The following RUNX1T1 variants were observed in gnomAD, a reference collection of about 807,000 sequenced individuals.
RUNX1T1 encodes the protein RUNX1 partner transcriptional co-repressor 1, also known as protein CBFA2T1.
RUNX1T1 carries 4 observed loss-of-function variants against 62.8 expected under a neutral mutation model. The ratio of observed to expected loss-of-function variants is 0.06; its 90% confidence interval spans 0.03 to 0.15. RUNX1T1 has a LOEUF of 0.15. Among genes scored for constraint, RUNX1T1 ranks in the 10% least tolerant of loss-of-function variants. The pLI is 1.00. For synonymous variants in RUNX1T1, 291 were observed against 286.0 expected, an observed-to-expected ratio of 1.02 and a Z score of -0.18; for missense variants, 508 against 754.3, an observed-to-expected ratio of 0.67 and a Z score of 3.82.
chr8:92,102,433 A>G (rs566148910), upstream of RUNX1T1, among the ~76,000 whole-genome samples: 611 of 151,992 alleles, frequency 4.0e-3, 7 homozygotes, highest in African/African-American at 0.014. This position sits in a 1 kb window ranked among gnomAD's most constrained non-coding sequence, Gnocchi z 4.5. Context: ...GAAAAAAAAA[A>G]AAAAGAAAGG....
chr8:92,011,532 G>T (rs1017011082), intron 3 of RUNX1T1, among the ~76,000 whole-genome samples: 2 of 152,196 alleles, frequency 1.3e-5, no homozygotes, highest in Non-Finnish European at 2.9e-5. Flanking sequence ...ACTGCTGGTG[G>T]AAATATTCTT....
At chr8:91,956,273 T>G (rs1179477110), downstream of RUNX1T1, 1 of 231,840 alleles carries the variant, frequency 4.3e-6, no homozygotes, top group Non-Finnish European at 8.5e-6. Context: ...TTCCTACTCC[T>G]CCTGCCTGAG....
At chr8:92,084,197 G>A (rs1184228556) in intron 1 of RUNX1T1, among the ~76,000 whole-genome samples, 1 of 143,690 alleles carries the variant, frequency 7.0e-6, no homozygotes, top group African/African-American at 2.6e-5. Context: ...GTATACCTAT[G>A]TAACAAACCT....
At chr8:92,023,270 G>A (rs1824470143) in intron 1 of RUNX1T1, among the ~76,000 whole-genome samples, 1 of 151,894 alleles carries the variant, frequency 6.6e-6, no homozygotes, top group African/African-American at 2.4e-5. Flanking sequence ...AAGCATATTA[G>A]GTTGTATTCT....
At chr8:92,002,771 T>C (rs1048777149) in intron 5 of RUNX1T1, among the ~76,000 whole-genome samples, 7 of 151,978 alleles carry the variant, frequency 4.6e-5, no homozygotes, top group African/African-American at 1.7e-4. Context: ...CAACAAAACA[T>C]TCAGTAAAAC....
chr8:91,981,302 C>G (rs927333778), intron 8 of RUNX1T1, among the ~76,000 whole-genome samples: 3 of 147,906 alleles, frequency 2.0e-5, no homozygotes, highest in Non-Finnish European at 4.5e-5. Context: ...ATATGACAAT[C>G]ATAAAACTTG....
intron 1 of RUNX1T1, among the ~76,000 whole-genome samples, chr8:92,035,516 A>T (rs982132712): frequency 3.3e-5 from 5 of 151,860 alleles, no homozygotes; most frequent in African/African-American, 1.2e-4. Flanking sequence ...TTTAAAGGCG[A>T]TTTTCTCTTG....
At chr8:91,966,315 G>A (rs570978905) in intron 10 of RUNX1T1, among the ~76,000 whole-genome samples, 357 of 152,020 alleles carry the variant, frequency 2.3e-3, no homozygotes, top group African/African-American at 8.3e-3. Flanking sequence ...CTACACAGGT[G>A]GCATTTCCAG....
At chr8:91,954,997 CA>C (rs1809139644), downstream of RUNX1T1, 1 of 196,840 alleles carries the variant, frequency 5.1e-6, no homozygotes, top group South Asian at 1.9e-4. Flanking sequence ...TTTATTTATT[CA>C]CCTTGGAATA....
intron 1 of RUNX1T1, among the ~76,000 whole-genome samples, chr8:92,031,464 A>G (rs923410906): frequency 1.4e-5 from 2 of 144,666 alleles, no homozygotes; most frequent in African/African-American, 5.3e-5. Context: ...GTATGTATGT[A>G]TGTAAGCATG....
At chr8:92,048,031 C>A (rs900852169) in intron 1 of RUNX1T1, among the ~76,000 whole-genome samples, 19 of 152,150 alleles carry the variant, frequency 1.2e-4, no homozygotes, top group Admixed American at 1.2e-3. Flanking sequence ...TCAAGAAGGA[C>A]CACATAAAAA....
chr8:92,026,933 C>A (rs1292715449), intron 1 of RUNX1T1, among the ~76,000 whole-genome samples: 1 of 150,732 alleles, frequency 6.6e-6, no homozygotes, highest in Admixed American at 6.6e-5. Flanking sequence ...CTGGCTGACA[C>A]GGTGAAACCC....
intron 10 of RUNX1T1, among the ~76,000 whole-genome samples, chr8:91,968,699 T>C (rs2130582129): frequency 6.6e-6 from 1 of 152,308 alleles, no homozygotes; most frequent in East Asian, 1.9e-4. Flanking sequence ...ATGATCCCTA[T>C]GAAAAGATCC....
At chr8:91,998,148 A>G (rs1819068153) in intron 5 of RUNX1T1, among the ~76,000 whole-genome samples, 1 of 152,214 alleles carries the variant, frequency 6.6e-6, no homozygotes, top group Non-Finnish European at 1.5e-5. Flanking sequence ...TAATTCAGCA[A>G]AAGATCTCTT....
chr8:91,983,995 G>A (rs1222292039), intron 8 of RUNX1T1, among the ~76,000 whole-genome samples: 2 of 152,166 alleles, frequency 1.3e-5, no homozygotes, highest in Non-Finnish European at 2.9e-5. Flanking sequence ...GGCAACTTAG[G>A]ATTCTGTGAC....
At chr8:92,005,030 C>A (rs551448090) in intron 5 of RUNX1T1, 86 bp downstream of exon 6, 9 of 1,155,644 alleles carry the variant, frequency 7.8e-6, no homozygotes, top group South Asian at 7.7e-5. Context: ...CATAGGCCAG[C>A]GGTTTAATTG....
At chr8:92,031,446 A>G in intron 1 of RUNX1T1, among the ~76,000 whole-genome samples, 1 of 150,716 alleles carries the variant, frequency 6.6e-6, no homozygotes, top group South Asian at 2.1e-4. Context: ...GACAAGATTT[A>G]GCCTAATGTA....
upstream of RUNX1T1, among the ~76,000 whole-genome samples, chr8:92,067,768 A>T (rs1833087948): frequency 1.3e-5 from 2 of 152,230 alleles, no homozygotes; most frequent in Admixed American, 6.5e-5. Context: ...ACAAAATATC[A>T]CACTGAAAGT....
rs200718439 is a variant in RUNX1T1, at chr8:92,034,797, T to TACACACACACAC, written c.8-17446_8-17435dup. Among the ~76,000 whole-genome samples, 74 of 96,842 alleles carry TACACACACACAC rather than the reference T, an allele frequency of 7.6e-4. 1 individual carries two copies. Among genetic ancestry groups the TACACACACACAC allele is most frequent in the Non-Finnish European group, 1.3e-3 (60 of 45,446 alleles). 63.5% of individuals were successfully genotyped at this position (96,842 alleles called of 152,430 possible). A position where few individuals can be genotyped will look rare whatever the true frequency, so the allele number is the denominator to read the frequency against. On this transcript the variant is annotated intron_variant, in intron 1 of 10. Transcript: ENST00000396218. ...ATATACACATATATATATACATATATACACACACACACACACACACACACA... is the reference window on the plus strand; with the variant it reads ...ATATACACATATATATATACATATATACACACACACACACACACACACACACACACACACACA...
Sources: allele counts gnomAD v4.1 joint callset (sites outside exome capture counted in the v4.1 genomes callset), GRCh38; gene constraint gnomAD v4.1.1; non-coding constraint Gnocchi (gnomAD v3.1); transcripts MANE v1.5; gene names NCBI Gene and HGNC (gene_info 2026-07-23, HGNC 2026-07-21).